The following GYPC variants were observed in gnomAD, a reference collection of about 807,000 sequenced individuals.
GYPC encodes glycophorin C (Gerbich blood group), also known as glycophorin-C.
Under a neutral mutation model 12.6 loss-of-function variants are expected in GYPC, and 14 were observed. That is an observed-to-expected ratio of 1.11 (90% confidence interval 0.74 to 1.74). The LOEUF (loss-of-function observed/expected upper bound fraction) is 1.74. Among genes scored for constraint, GYPC ranks in the 40% most tolerant of loss-of-function variants. The probability of loss-of-function intolerance (pLI) is 0.00; values close to 1 mark genes in which losing one functional copy is unlikely to be tolerated. For missense variants in GYPC, 225 were observed against 172.1 expected (o/e 1.31, Z -1.72); for synonymous variants, 78 against 62.1 (o/e 1.26, Z -1.20).
At chr2:126,679,013 A>T (rs1683088437) in intron 1 of GYPC, 2 of 152,178 alleles carry the variant, frequency 1.3e-5, no homozygotes, top group Non-Finnish European at 2.9e-5. Context: ...TAACTAAATC[A>T]TCATTATTTA....
intron 1 of GYPC, among the ~76,000 whole-genome samples, chr2:126,671,333 G>A (rs987117960): frequency 2.0e-5 from 3 of 152,238 alleles, no homozygotes; most frequent in South Asian, 2.1e-4. Flanking sequence ...GCCAGAGCAG[G>A]TGCAAGCATG....
chr2:126,662,895 C>CT (rs1247905985), intron 1 of GYPC, among the ~76,000 whole-genome samples: 1 of 152,210 alleles, frequency 6.6e-6, no homozygotes, highest in African/African-American at 2.4e-5. Context: ...CTGCTCCCTC[C>CT]TTGCTCTCCA....
chr2:126,667,864 G>C (rs912818903), intron 1 of GYPC, among the ~76,000 whole-genome samples: 4 of 152,198 alleles, frequency 2.6e-5, no homozygotes, highest in Non-Finnish European at 5.9e-5. Flanking sequence ...TTTTAATCCA[G>C]GGAGTCCCTA....
At chr2:126,666,143 A>C (rs1682671216) in intron 1 of GYPC, among the ~76,000 whole-genome samples, 1 of 152,172 alleles carries the variant, frequency 6.6e-6, no homozygotes, top group African/African-American at 2.4e-5. Flanking sequence ...CAGTGCTCAG[A>C]GTGGTACACA....
At chr2:126,665,029 T>G (rs1012998490) in intron 1 of GYPC, among the ~76,000 whole-genome samples, 2 of 152,208 alleles carry the variant, frequency 1.3e-5, no homozygotes, top group Admixed American at 1.3e-4. Flanking sequence ...TTTGGCCTTT[T>G]AAGTCAGAAG....
chr2:126,673,349 A>G (rs1307723465), intron 1 of GYPC, among the ~76,000 whole-genome samples: 1 of 152,072 alleles, frequency 6.6e-6, no homozygotes, highest in East Asian at 1.9e-4. Context: ...ACACATTCAC[A>G]TTTCTTATCC....
intron 1 of GYPC, among the ~76,000 whole-genome samples, chr2:126,674,657 T>A (rs1173229723): frequency 1.3e-5 from 2 of 152,214 alleles, no homozygotes; most frequent in Non-Finnish European, 1.5e-5. Context: ...AGCCTTTTTT[T>A]AAGTGTTTTG....
At chr2:126,692,456 C>G (rs958807208) in intron 2 of GYPC, among the ~76,000 whole-genome samples, 1 of 152,150 alleles carries the variant, frequency 6.6e-6, no homozygotes, top group Non-Finnish European at 1.5e-5. Context: ...CCTCATAGCA[C>G]TATAATTAAA....
chr2:126,683,859 G>A (rs1683215372), intron 1 of GYPC, among the ~76,000 whole-genome samples: 1 of 152,156 alleles, frequency 6.6e-6, no homozygotes, highest in African/African-American at 2.4e-5. Flanking sequence ...TCTGAGTGTT[G>A]AGCCTCTGCT....
chr2:126,687,936 G>A (rs926506098), intron 1 of GYPC, among the ~76,000 whole-genome samples: 1 of 152,178 alleles, frequency 6.6e-6, no homozygotes, highest in African/African-American at 2.4e-5. Flanking sequence ...ACTTTGCAGT[G>A]CCCTGTAAGG....
intron 1 of GYPC, among the ~76,000 whole-genome samples, chr2:126,664,654 A>G (rs1360790895): frequency 3.9e-5 from 6 of 152,242 alleles, no homozygotes; most frequent in African/African-American, 1.4e-4. Flanking sequence ...GAAGGGACCC[A>G]TAAGGTAAAG....
intron 1 of GYPC, among the ~76,000 whole-genome samples, chr2:126,684,423 G>A (rs937764317): frequency 1.2e-4 from 18 of 152,048 alleles, no homozygotes; most frequent in African/African-American, 4.3e-4. Flanking sequence ...ACCCAACCCA[G>A]AGGCTTACTG....
At chr2:126,662,189 A>T (rs980864502) in intron 1 of GYPC, among the ~76,000 whole-genome samples, 2 of 151,876 alleles carry the variant, frequency 1.3e-5, no homozygotes, top group Non-Finnish European at 2.9e-5. Context: ...AAAAGGGGGG[A>T]AATTATGGGT....
intron 1 of GYPC, among the ~76,000 whole-genome samples, chr2:126,682,859 C>G (rs1683187027): frequency 6.6e-6 from 1 of 152,206 alleles, no homozygotes; most frequent in Non-Finnish European, 1.5e-5. Flanking sequence ...GACCAAGCCC[C>G]AGGAGCTTCC....
intron 1 of GYPC, among the ~76,000 whole-genome samples, chr2:126,663,958 CT>C (rs1558879070): frequency 0.014 from 163 of 11,934 alleles, 1 homozygote; most frequent in African/African-American, 0.024. Flanking sequence ...TGGTCTCTCT[CT>C]CTCTCTCTCT....
chr2:126,677,959 C>A (rs1293129353), intron 1 of GYPC, among the ~76,000 whole-genome samples: 1 of 152,236 alleles, frequency 6.6e-6, no homozygotes, highest in Non-Finnish European at 1.5e-5. Flanking sequence ...CAGCGGCTCA[C>A]GCCTGTAATC....
Position 126,690,314 on chromosome 2 carries a change from G to A in GYPC, c.106+3G>A. On this transcript the variant is annotated splice_donor_region_variant and intron_variant, in intron 2 of 3. Transcript: ENST00000259254. Reference sequence around the variant, plus strand: ...AATGCATACTACCACCATTGCAGGTGAGTTCTCATCACAGAGCCTCACCAT... The same window carrying A: ...AATGCATACTACCACCATTGCAGGTAAGTTCTCATCACAGAGCCTCACCAT... 3 of 1,604,790 alleles carry A rather than the reference G, an allele frequency of 1.9e-6. No individual in the cohort carries two copies. The highest frequency in any genetic ancestry group is 2.6e-6 in the Non-Finnish European group (3 of 1,171,516).
chr2:126,662,674 A>C (rs942894184), intron 1 of GYPC, among the ~76,000 whole-genome samples: 2 of 152,118 alleles, frequency 1.3e-5, no homozygotes, highest in Non-Finnish European at 1.5e-5. Flanking sequence ...TTTATTTTGC[A>C]CTGGGCTCTG....
intron 1 of GYPC, among the ~76,000 whole-genome samples, chr2:126,687,358 G>A (rs922442627): frequency 2.0e-5 from 3 of 152,198 alleles, no homozygotes; most frequent in African/African-American, 7.2e-5. Context: ...CCCAGTCCTA[G>A]TGTTTTTCTT....
Sources: allele counts gnomAD v4.1 joint callset (sites outside exome capture counted in the v4.1 genomes callset), GRCh38; gene constraint gnomAD v4.1.1; transcripts MANE v1.5; gene names NCBI Gene and HGNC (gene_info 2026-07-23, HGNC 2026-07-21).